The following GALC variants were observed in gnomAD, a reference collection of about 807,000 sequenced individuals.
GALC encodes galactocerebrosidase.
GALC carries 77 observed loss-of-function variants against 91.8 expected under a neutral mutation model. The observed-to-expected ratio is 0.84, with a 90% CI of 0.70 to 1.01. The LOEUF (loss-of-function observed/expected upper bound fraction) is 1.01. Among genes scored for constraint, GALC ranks in the 50% least tolerant of loss-of-function variants. The probability of loss-of-function intolerance (pLI) is 0.00; values close to 1 mark genes in which losing one functional copy is unlikely to be tolerated. For synonymous variants in GALC, 357 were observed against 306.7 expected, an observed-to-expected ratio of 1.16 and a Z score of -1.71; for missense variants, 882 against 855.9, an observed-to-expected ratio of 1.03 and a Z score of -0.38.
upstream of GALC, chr14:87,993,447 T>TC (rs1482465546): frequency 6.5e-7 from 1 of 1,535,838 alleles, no homozygotes; most frequent in Admixed American, 2.0e-5. Flanking sequence ...GATTCCAAGG[T>TC]CCGCCAAAGG....
rs767913083 is a variant in GALC, at chr14:87,993,137, A to G, written c.28T>C (p.Trp10Arg). 3.1e-5 allele frequency: 49 copies of G among 1,582,714 alleles called. No homozygotes were observed. The East Asian group carries it at 5.5e-4, about 18-fold the overall frequency. The change falls in exon 1 of 17, where the codon TGG becomes CGG. Residue 10 changes from tryptophan to arginine, a missense_variant. Physicochemically the swap from Trp to Arg is moderately radical, Grantham distance 101. Transcript: ENST00000261304. Reference sequence around the variant, plus strand: ...GTCATAGCTTTCGCTCGGCGTTGCCAGGAAGCCGAGAGTAGCCACTCAGCC... The same window carrying G: ...GTCATAGCTTTCGCTCGGCGTTGCCGGGAAGCCGAGAGTAGCCACTCAGCC... MAEWLLSAS[W>R]QRRAKAMTAA...
chr14:87,981,441 CA>C (rs1213469686), intron 6 of GALC: 2 of 193,160 alleles, frequency 1.0e-5, no homozygotes, highest in Non-Finnish European at 1.0e-5. Flanking sequence ...ACCTATTCTC[CA>C]AAAACCTATG....
At chr14:87,937,551 A>G (rs1167436597) in intron 16 of GALC, among the ~76,000 whole-genome samples, 1 of 151,958 alleles carries the variant, frequency 6.6e-6, no homozygotes, top group Non-Finnish European at 1.5e-5. Context: ...CCTAGTAGCA[A>G]GACAAGAGCC....
rs187901204 is a variant in GALC, at chr14:87,961,087, T to C, written c.1161+2297A>G. Among the ~76,000 whole-genome samples the C allele has an allele frequency of 5.4e-4, 82 of 152,250 alleles. 2 individuals carry two copies. The East Asian group carries it at 8.9e-3, about 16-fold the overall frequency. ...ATATTTCTGATAAGGAATTTTTATA[T>C]AGAACAAAGAACACTTATGACTCAA... On this transcript the variant is annotated intron_variant, in intron 10 of 16. Coordinates refer to ENST00000261304, the MANE Select transcript of GALC (RefSeq NM_000153.4).
chr14:87,980,399 T>C, intron 6 of GALC: 2 of 505,840 alleles, frequency 4.0e-6, no homozygotes, highest in Non-Finnish European at 5.1e-6. Flanking sequence ...AAAAAAGCCA[T>C]TATTCCAGTG....
intron 10 of GALC, chr14:87,953,353 G>C (rs1595201873): frequency 7.1e-7 from 1 of 1,418,342 alleles, no homozygotes; most frequent in African/African-American, 1.4e-5. Flanking sequence ...AATATCTGAA[G>C]AGAATTCCAT....
chr14:87,935,934 C>G (rs1213063327), intron 16 of GALC, among the ~76,000 whole-genome samples: 1 of 152,048 alleles, frequency 6.6e-6, no homozygotes, highest in East Asian at 1.9e-4. Flanking sequence ...ACTTGCACAG[C>G]TATCTTCAGC....
chr14:87,962,136 C>T (rs1885830417), intron 10 of GALC, among the ~76,000 whole-genome samples: 1 of 152,066 alleles, frequency 6.6e-6, no homozygotes, highest in Non-Finnish European at 1.5e-5. Flanking sequence ...TTGGGGGCCC[C>T]AAGAATATAA....
intron 10 of GALC, chr14:87,952,693 G>A (rs1228308187): frequency 1.3e-6 from 2 of 1,509,042 alleles, no homozygotes; most frequent in African/African-American, 2.7e-5. Context: ...GAATCTATTG[G>A]TCTCCAGATC....
chr14:87,934,100 A>C lies in GALC; in HGVS notation c.*632T>G. ...TAACCCAATTAATCTGCTAATATCT[A>C]TTACTGCAGAAATAGTGTTAGAGGT... On this transcript the variant is annotated 3_prime_UTR_variant, in exon 17 of 17. Transcript: ENST00000261304. 2 of 1,513,578 alleles carry C rather than the reference A, an allele frequency of 1.3e-6. No homozygotes were observed. The highest frequency in any genetic ancestry group is 2.4e-5 in the South Asian group (2 of 81,742). The allele number at this position is 1,513,578 out of a possible 1,614,324, so 93.8% of individuals were successfully genotyped here. A position where few individuals can be genotyped will look rare whatever the true frequency, so the allele number is the denominator to read the frequency against.
At chr14:87,992,613 C>G (rs1369669736) in intron 1 of GALC, 1 of 1,448,172 alleles carries the variant, frequency 6.9e-7, no homozygotes, top group African/African-American at 1.4e-5. Context: ...CGACGCTCCC[C>G]GACTGCCATC....
intron 16 of GALC, among the ~76,000 whole-genome samples, chr14:87,939,476 T>G (rs550936286): frequency 3.3e-5 from 5 of 151,926 alleles, no homozygotes; most frequent in Non-Finnish European, 7.4e-5. Flanking sequence ...TTTCTCTGAC[T>G]AAAATATTCA....
rs117433774 is a variant in GALC, at chr14:87,967,571, T to C, written c.908+764A>G. Among the ~76,000 whole-genome samples the C allele has an allele frequency of 7.1e-3, 1,077 of 152,312 alleles. 16 individuals are homozygous for C. The highest frequency in any genetic ancestry group is 0.044 in the East Asian group (227 of 5,174). ...AAAGCTAATTGGAATCTATTCACAA[T>C]TCAAGTGTTTTTCAAAGCATTTAAG... On this transcript the variant is annotated intron_variant, in intron 8 of 16. Coordinates refer to ENST00000261304, the MANE Select transcript of GALC (RefSeq NM_000153.4).
At chr14:87,984,271 C>T in intron 5 of GALC, 123 bp downstream of exon 5, 1 of 915,212 alleles carries the variant, frequency 1.1e-6, no homozygotes, top group Non-Finnish European at 1.7e-6. Context: ...TTATCAGACA[C>T]CATTAGAACA....
At chr14:87,946,001 G>A (rs371820738) in intron 13 of GALC, among the ~76,000 whole-genome samples, 1 of 151,974 alleles carries the variant, frequency 6.6e-6, no homozygotes, top group African/African-American at 2.4e-5. Context: ...GAGTTTTGAA[G>A]TAAGACCTAG....
intron 14 of GALC, among the ~76,000 whole-genome samples, chr14:87,944,492 T>C (rs404078): frequency 0.96 from 145,422 of 151,940 alleles, 69,890 homozygotes; most frequent in Non-Finnish European, 1. Flanking sequence ...CTACCATAAC[T>C]GGAAAATCTA....
intron 5 of GALC, among the ~76,000 whole-genome samples, chr14:87,984,024 A>G (rs74073783): frequency 0.017 from 2,519 of 152,158 alleles, 66 homozygotes; most frequent in African/African-American, 0.057. Context: ...TAAGACAACA[A>G]GAGGATAAAA....
At position 87,939,927 on chromosome 14, in the gene GALC, TACCATTTTTTTGCTGTA is replaced by T. The variant is rs1884764754; in HGVS notation, c.1872_1888del (p.Thr625TyrfsTer7). ...TACCTTAATAGTTAACGTGAGTGTA[TACCATTTTTTTGCTGTA>T]ACTTCAACACGTCCTAAAGCATATA... On this transcript the variant is annotated frameshift_variant, in exon 16 of 17. Transcript: ENST00000261304. LOFTEE classifies it low-confidence loss of function (END_TRUNC). The T allele has an allele frequency of 1.2e-6, 2 of 1,610,212 alleles. No individual in the cohort carries two copies. The highest frequency in any genetic ancestry group is 3.3e-5 in the Admixed American group (2 of 59,862).
intron 14 of GALC, among the ~76,000 whole-genome samples, chr14:87,942,013 G>C (rs998849940): frequency 6.6e-6 from 1 of 151,880 alleles, no homozygotes; most frequent in Admixed American, 6.6e-5. Flanking sequence ...AAGCTATTCC[G>C]GGGCCAACTT....
Sources: allele counts gnomAD v4.1 joint callset (sites outside exome capture counted in the v4.1 genomes callset), GRCh38; gene constraint gnomAD v4.1.1; transcripts MANE v1.5; gene names NCBI Gene and HGNC (gene_info 2026-07-23, HGNC 2026-07-21).